The following JADE3 variants were observed in gnomAD, a reference collection of about 807,000 sequenced individuals.
The protein encoded by JADE3 is protein Jade-3.
In JADE3, 2 loss-of-function variants were observed where a neutral mutation model predicts 50.1. That is an observed-to-expected ratio of 0.04 (90% CI 0.02 to 0.13). The LOEUF is 0.13. Among genes scored for constraint, JADE3 ranks in the 10% least tolerant of loss-of-function variants. The pLI is 1.00. For synonymous variants in JADE3, 218 were observed against 232.9 expected, an observed-to-expected ratio of 0.94 and a Z score of 0.58; for missense variants, 475 against 634.4, an observed-to-expected ratio of 0.75 and a Z score of 2.70.
At chrX:47,049,935 CT>C (rs1172372601) in intron 8 of JADE3, among the ~76,000 whole-genome samples, 4 of 106,017 alleles carry the variant, frequency 3.8e-5, no homozygotes, top group Non-Finnish European at 7.7e-5. Flanking sequence ...CACTCTTCTT[CT>C]TTTTTTTAAT....
At chrX:47,020,038 A>C (rs782562573) in intron 4 of JADE3, among the ~76,000 whole-genome samples, 1 of 112,317 alleles carries the variant, frequency 8.9e-6, no homozygotes, top group South Asian at 3.7e-4. Context: ...GTGACCATTT[A>C]AAGAGTATCA....
At chrX:47,010,811 T>C (rs1051963168) in intron 4 of JADE3, among the ~76,000 whole-genome samples, 7 of 111,186 alleles carry the variant, frequency 6.3e-5, no homozygotes, top group Admixed American at 3.9e-4. Flanking sequence ...TTTCTCTTTC[T>C]CTCTCTCTCC....
At chrX:46,981,758 A>G (rs1022031540) in intron 1 of JADE3, among the ~76,000 whole-genome samples, 3 of 112,410 alleles carry the variant, frequency 2.7e-5, no homozygotes, top group Non-Finnish European at 3.8e-5. Flanking sequence ...AGTTATTTTA[A>G]TATATTCACA....
At chrX:46,987,695 A>G (rs1405519554) in intron 3 of JADE3, among the ~76,000 whole-genome samples, 2 of 111,839 alleles carry the variant, frequency 1.8e-5, no homozygotes, top group Non-Finnish European at 3.8e-5. Context: ...GGAGACTTTG[A>G]CTACAGAATG....
intron 1 of JADE3, among the ~76,000 whole-genome samples, chrX:46,917,820 TCA>T (rs1556336707): frequency 4.8e-4 from 40 of 83,589 alleles, no homozygotes; most frequent in Non-Finnish European, 7.2e-4. Context: ...TCTCTCTCTC[TCA>T]CTCTCTCTCA....
At chrX:46,981,172 A>G (rs144943679) in intron 1 of JADE3, among the ~76,000 whole-genome samples, 3,163 of 112,207 alleles carry the variant, frequency 0.028, 129 homozygotes, top group African/African-American at 0.098. Context: ...CTGACCCACT[A>G]AACTATAAGA....
Position 47,058,726 on chromosome X carries a change from C to T in JADE3, c.2121C>T (p.Ser707=). 8.3e-7 allele frequency: 1 copy of T among 1,209,856 alleles called. No individual in the cohort carries two copies. Among genetic ancestry groups the T allele is most frequent in the Non-Finnish European group, 1.1e-6 (1 of 894,174 alleles). The change falls in exon 11 of 11, where the codon TCC becomes TCT. Residue 707 remains serine (S), a synonymous_variant. Coordinates refer to ENST00000614628, the MANE Select transcript of JADE3 (RefSeq NM_014735.5). Reference sequence around the variant, plus strand: ...TCAGTCAGGGCAGCTTTAGAAAATCCACTGTAGAACACTTTAGTAGGTCCT... The same window carrying T: ...TCAGTCAGGGCAGCTTTAGAAAATCTACTGTAGAACACTTTAGTAGGTCCT... The part of the protein sequence containing the change: ...HLVSQGSFRK[S]TVEHFSRSFK...
intron 1 of JADE3, among the ~76,000 whole-genome samples, chrX:46,980,780 T>G (rs1927730569): frequency 4.5e-5 from 5 of 111,687 alleles, no homozygotes; most frequent in African/African-American, 1.6e-4. Flanking sequence ...TTTTGTATAT[T>G]AGGTTGTGGT....
chrX:47,028,306 G>T (rs1232387630), intron 6 of JADE3, among the ~76,000 whole-genome samples: 1 of 110,232 alleles, frequency 9.1e-6, no homozygotes, highest in Non-Finnish European at 1.9e-5. Context: ...ACCCCATGGG[G>T]CTAAACCCAG....
chrX:47,052,113 G>A (rs1350610100), intron 8 of JADE3, among the ~76,000 whole-genome samples: 1 of 111,174 alleles, frequency 9.0e-6, no homozygotes, highest in East Asian at 2.8e-4. Flanking sequence ...GTCAGTCTTT[G>A]GAAGGAAAGC....
chrX:47,025,263 C>T (rs781933369), intron 5 of JADE3, among the ~76,000 whole-genome samples: 47 of 111,596 alleles, frequency 4.2e-4, no homozygotes, highest in Non-Finnish European at 7.2e-4. Context: ...AATTCTGAGG[C>T]AGGTTCCTGG....
At chrX:46,991,910 C>T in intron 3 of JADE3, among the ~76,000 whole-genome samples, 1 of 110,950 alleles carries the variant, frequency 9.0e-6, no homozygotes, top group East Asian at 2.8e-4. Context: ...TTCTCATTAA[C>T]TCTTTCTTAG....
chrX:47,055,997 G>C (rs1258386862), intron 9 of JADE3, 85 bp from the exon 10 acceptor site: 4 of 559,373 alleles, frequency 7.2e-6, no homozygotes, highest in Non-Finnish European at 9.1e-6. Context: ...CCTGACTTTA[G>C]GTCTTTATTT....
chrX:47,043,094 G>A (rs944401823), intron 8 of JADE3, among the ~76,000 whole-genome samples: 2 of 111,996 alleles, frequency 1.8e-5, no homozygotes, highest in African/African-American at 6.5e-5. Context: ...ATATTACCCA[G>A]TAACACCAAC....
intron 7 of JADE3, among the ~76,000 whole-genome samples, chrX:47,034,180 T>C (rs781808240): frequency 9.0e-6 from 1 of 111,066 alleles, no homozygotes; most frequent in Admixed American, 9.6e-5. Flanking sequence ...TGCCAAATTT[T>C]AAGTGTAGAG....
intron 8 of JADE3, among the ~76,000 whole-genome samples, chrX:47,052,781 C>T (rs193102927): frequency 3.6e-5 from 4 of 110,110 alleles, no homozygotes; most frequent in South Asian, 3.8e-4. Flanking sequence ...TAAGGCTAAG[C>T]GCAGTGGCTC....
At chrX:47,019,218 G>T (rs1408600161) in intron 4 of JADE3, among the ~76,000 whole-genome samples, 1 of 111,848 alleles carries the variant, frequency 8.9e-6, no homozygotes, top group African/African-American at 3.3e-5. Context: ...CATTGCAGAA[G>T]AATGTGGGAT....
intron 4 of JADE3, among the ~76,000 whole-genome samples, chrX:47,007,635 AT>A (rs1189342980): frequency 9.0e-6 from 1 of 110,828 alleles, no homozygotes; most frequent in Admixed American, 9.7e-5. Context: ...TTTCTCCATT[AT>A]TTTACTTTCA....
chrX:46,991,043 T>TCCCC (rs1200480004), intron 3 of JADE3, among the ~76,000 whole-genome samples: 3 of 5,296 alleles, frequency 5.7e-4, no homozygotes, highest in African/African-American at 1.1e-3. Flanking sequence ...TTTCCTTCCT[T>TCCCC]CCCTCCCTCC....
Sources: allele counts gnomAD v4.1 joint callset (sites outside exome capture counted in the v4.1 genomes callset), GRCh38; gene constraint gnomAD v4.1.1; transcripts MANE v1.5; gene names NCBI Gene and HGNC (gene_info 2026-07-23, HGNC 2026-07-21).